The following GGCT variants were observed in gnomAD, a reference collection of about 807,000 sequenced individuals.
The protein encoded by GGCT is cytochrome c-releasing factor 21.
GGCT carries 20 observed loss-of-function variants against 22.1 expected under a neutral mutation model. The ratio of observed to expected loss-of-function variants is 0.91; its 90% CI spans 0.64 to 1.32. The LOEUF is 1.32. Among genes scored for constraint, GGCT ranks in the 40% most tolerant of loss-of-function variants. GGCT has a pLI of 0.00. For synonymous variants in GGCT, 72 were observed against 78.4 expected (o/e 0.92, Z 0.43); for missense variants, 209 against 223.5 (o/e 0.94, Z 0.41).
At position 30,504,591 on chromosome 7, in the gene GGCT, A is replaced by G. The variant is rs1266211481; in HGVS notation, c.119T>C (p.Phe40Ser). Reference protein sequence around the residue: ...RIHLRNPSAAFFCVARLQDFK... With the variant: ...RIHLRNPSAASFCVARLQDFK... ...CACCTGCAGGCGGGCCACACAGAAG[A>G]ACGCCGCCGAGGGGTTTCGGAGGTG... Residue 40 changes from phenylalanine to serine, a missense_variant, in exon 1 of 4, where the codon TTC becomes TCC. Physicochemically the swap from Phe to Ser is radical, Grantham distance 155. Transcript: ENST00000275428. 1 of 1,613,860 alleles carries G rather than the reference A, an allele frequency of 6.2e-7. No homozygotes were observed. Among genetic ancestry groups the G allele is most frequent in the Admixed American group, 1.7e-5 (1 of 60,036 alleles).
At chr7:30,501,336 G>A (rs550257079) in intron 1 of GGCT, among the ~76,000 whole-genome samples, 4 of 152,170 alleles carry the variant, frequency 2.6e-5, no homozygotes, top group Admixed American at 6.5e-5. Flanking sequence ...AGGGGCTTAC[G>A]TCTGTAATCC....
intron 3 of GGCT, among the ~76,000 whole-genome samples, chr7:30,498,265 A>C (rs865964160): frequency 3.3e-5 from 5 of 151,678 alleles, no homozygotes; most frequent in Non-Finnish European, 5.9e-5. Context: ...ATTTCTAAAA[A>C]TTTTTTTAAT....
intron 2 of GGCT, 136 bp downstream of exon 2, chr7:30,500,400 T>G: frequency 1.7e-6 from 1 of 603,420 alleles, no homozygotes; most frequent in Non-Finnish European, 2.8e-6. Context: ...ATCATGCCTT[T>G]TATGTTGACT....
chr7:30,502,936 G>A (rs1370956635), intron 1 of GGCT, among the ~76,000 whole-genome samples: 1 of 152,122 alleles, frequency 6.6e-6, no homozygotes, highest in African/African-American at 2.4e-5. Flanking sequence ...TCTGCAGTGT[G>A]TCTTATTTGG....
At position 30,500,701 on chromosome 7, in the gene GGCT, G is replaced by A; in HGVS notation, c.142-20C>T. On this transcript the variant is annotated intron_variant, in intron 1 of 3. Transcript: ENST00000275428. ...AAAATCCTACAAAGGAAATCAAAGT[G>A]ATATGATCAATATCCACTTGAATCC... is the stretch of plus-strand genomic sequence containing the variant. 1.2e-6 allele frequency: 2 copies of A among 1,608,552 alleles called. No homozygotes were observed. Among genetic ancestry groups the A allele is most frequent in the South Asian group, 1.1e-5 (1 of 90,696 alleles).
chr7:30,502,732 C>T (rs1009523432), intron 1 of GGCT, among the ~76,000 whole-genome samples: 1 of 152,162 alleles, frequency 6.6e-6, no homozygotes, highest in Admixed American at 6.5e-5. Context: ...AATGTTATCT[C>T]CAAATTAGTT....
chr7:30,497,634 G>A (rs1789582751), intron 3 of GGCT: 2 of 546,814 alleles, frequency 3.7e-6, no homozygotes, highest in Non-Finnish European at 2.9e-6. Context: ...TGGACATGGG[G>A]GAATAAATGG....
intron 1 of GGCT, among the ~76,000 whole-genome samples, chr7:30,504,196 G>GT (rs1361226697): frequency 1.3e-5 from 2 of 152,262 alleles, no homozygotes; most frequent in African/African-American, 4.8e-5. Flanking sequence ...GAGAAGTGCT[G>GT]TAACAAAGGT....
intron 3 of GGCT, 165 bp from the exon 4 acceptor site, chr7:30,497,400 C>T: frequency 3.9e-6 from 2 of 516,386 alleles, no homozygotes; most frequent in Admixed American, 3.7e-5. Context: ...ATTCCTCTCA[C>T]ACTGAGCATG....
At chr7:30,497,743 A>G (rs889967712) in intron 3 of GGCT, 5 of 1,400,982 alleles carry the variant, frequency 3.6e-6, no homozygotes, top group Middle Eastern at 1.8e-4. Flanking sequence ...CAGATTACCT[A>G]TTACAGGTGC....
intron 2 of GGCT, chr7:30,499,183 G>GGCA: frequency 2.2e-6 from 1 of 464,264 alleles, no homozygotes; most frequent in Non-Finnish European, 4.0e-6. Flanking sequence ...AGGCTGAGGT[G>GGCA]GATCACTTGA....
chr7:30,497,598 C>T (rs57379358), intron 3 of GGCT: 98,679 of 445,150 alleles, frequency 0.22, 11,480 homozygotes, highest in African/African-American at 0.32. Flanking sequence ...TCGGTTACAA[C>T]GCCAGAGGTT....
chr7:30,497,849 G>T, intron 3 of GGCT: 1 of 1,449,866 alleles, frequency 6.9e-7, no homozygotes, highest in Non-Finnish European at 9.2e-7. Context: ...GTGCTTGCAA[G>T]GGTGATTTCC....
intron 1 of GGCT, among the ~76,000 whole-genome samples, chr7:30,502,873 T>C (rs991598406): frequency 3.4e-5 from 5 of 146,428 alleles, no homozygotes; most frequent in African/African-American, 1.3e-4. Context: ...CTATTTTCCA[T>C]GTGACCAGAA....
rs1312863050 is a variant in GGCT, at chr7:30,498,948, G to T, written c.288-10C>A. On this transcript the variant is annotated splice_polypyrimidine_tract_variant and intron_variant, in intron 2 of 3. Coordinates refer to ENST00000275428, the MANE Select transcript of GGCT (RefSeq NM_024051.4). ...TTTAACCCCTTCTTGCCTGAAACCA[G>T]AACAGCCAAATTTTAACCACATTTG... The T allele has an allele frequency of 1.9e-6, 3 of 1,613,598 alleles. No homozygotes were observed. The highest frequency in any genetic ancestry group is 2.5e-6 in the Non-Finnish European group (3 of 1,179,776).
At chr7:30,502,510 G>T (rs967541140) in intron 1 of GGCT, among the ~76,000 whole-genome samples, 1 of 152,188 alleles carries the variant, frequency 6.6e-6, no homozygotes, top group African/African-American at 2.4e-5. Context: ...CTAGCACACA[G>T]TAAGTACTTA....
chr7:30,501,162 A>G (rs539518865), intron 1 of GGCT, among the ~76,000 whole-genome samples: 1 of 152,312 alleles, frequency 6.6e-6, no homozygotes, highest in African/African-American at 2.4e-5. Context: ...TTTGAGGATG[A>G]ATGATTTGTG....
rs1226670696 is a variant in GGCT at position 30,504,747 on chromosome 7, T to C, written c.-38A>G. 3.7e-6 allele frequency: 6 copies of C among 1,606,888 alleles called. No individual in the cohort carries two copies. The highest frequency in any genetic ancestry group is 1.7e-5 in the Admixed American group (1 of 59,892). On this transcript the variant is annotated 5_prime_UTR_variant, in exon 1 of 4. Transcript: ENST00000275428. ...CCCTGCACTGGAGCCTGAAGCAGAG[T>C]GTAAGGAACGGCCAGAGAGCGCAAC...
At chr7:30,504,446 C>T in intron 1 of GGCT, 123 bp downstream of exon 1, 1 of 1,153,982 alleles carries the variant, frequency 8.7e-7, no homozygotes, top group Non-Finnish European at 1.2e-6. Flanking sequence ...AGGCGGAAGC[C>T]GCGTCCTAGT....
Sources: allele counts gnomAD v4.1 joint callset (sites outside exome capture counted in the v4.1 genomes callset), GRCh38; gene constraint gnomAD v4.1.1; transcripts MANE v1.5; gene names NCBI Gene and HGNC (gene_info 2026-07-23, HGNC 2026-07-21).